AOPEP: variants seen among roughly 807,000 people sequenced by gnomAD.
AOPEP encodes aminopeptidase O (putative).
A neutral mutation model predicts 98.1 loss-of-function variants in AOPEP; 77 were observed. The ratio of observed to expected loss-of-function variants is 0.78; its 90% CI spans 0.65 to 0.95. The LOEUF is 0.95. Among genes scored for constraint, AOPEP ranks in the 40% least tolerant of loss-of-function variants. The pLI, the probability that AOPEP is intolerant of heterozygous loss-of-function variation, is 0.00. For missense variants in AOPEP, 1,024 were observed against 1,024.7 expected, an observed-to-expected ratio of 1.00 and a Z score of 0.01; for synonymous variants, 346 against 365.3, an observed-to-expected ratio of 0.95 and a Z score of 0.60.
At chr9:94,844,788 G>A (rs1364880711) in intron 5 of AOPEP, among the ~76,000 whole-genome samples, 1 of 152,216 alleles carries the variant, frequency 6.6e-6, no homozygotes, top group Non-Finnish European at 1.5e-5. Flanking sequence ...CAGATGGTCT[G>A]TTCCTAGGGT....
intron 7 of AOPEP, among the ~76,000 whole-genome samples, chr9:94,943,571 G>A (rs961348617): frequency 1.3e-5 from 2 of 150,250 alleles, no homozygotes; most frequent in African/African-American, 4.9e-5. Context: ...TCCAGCCTAG[G>A]CGACAGAGTG....
chr9:94,963,740 T>A (rs2138224876), intron 9 of AOPEP, among the ~76,000 whole-genome samples: 1 of 152,310 alleles, frequency 6.6e-6, no homozygotes, highest in Middle Eastern at 3.4e-3. Flanking sequence ...AAAGTCTTCC[T>A]TGTCCAAATA....
chr9:95,080,697 C>G lies in AOPEP; in HGVS notation c.2236C>G (p.Arg746Gly). The G allele has an allele frequency of 1.9e-6, 3 of 1,612,966 alleles. No individual in the cohort carries two copies. The highest frequency in any genetic ancestry group is 2.5e-6 in the Non-Finnish European group (3 of 1,179,620). The part of the protein sequence containing the change: ...YHLQDQDAEV[R>G]HRWCELIVKH... ...GGGCTCTCTCTTGTTCCTCCAGGTT[C>G]GCCATCGGTGGTGTGAACTCATTGT... The change falls in exon 15 of 17, where the codon CGC becomes GGC. Residue 746 changes from arginine to glycine, a missense_variant. Physicochemically the swap from Arg to Gly is moderately radical, Grantham distance 125 (BLOSUM62 -2). Coordinates refer to ENST00000375315, the MANE Select transcript of AOPEP (RefSeq NM_001193329.3).
At chr9:95,029,165 T>C (rs2064089881) in intron 13 of AOPEP, among the ~76,000 whole-genome samples, 1 of 152,154 alleles carries the variant, frequency 6.6e-6, no homozygotes, top group Admixed American at 6.5e-5. Flanking sequence ...TGAAATCTCC[T>C]GTCACCGTGC....
At chr9:94,886,901 G>A (rs1190037918) in intron 5 of AOPEP, among the ~76,000 whole-genome samples, 2 of 152,098 alleles carry the variant, frequency 1.3e-5, no homozygotes, top group African/African-American at 2.4e-5. Context: ...ATATGGGTTT[G>A]TATATATAAA....
At chr9:94,933,703 A>G in intron 7 of AOPEP, 3 of 979,900 alleles carry the variant, frequency 3.1e-6, no homozygotes, top group Non-Finnish European at 3.6e-6. Context: ...TGCCTACTGT[A>G]CATTCCACTT....
chr9:94,918,747 C>T (rs1017046395), intron 5 of AOPEP, among the ~76,000 whole-genome samples: 6 of 152,180 alleles, frequency 3.9e-5, no homozygotes, highest in African/African-American at 1.2e-4. Flanking sequence ...GTGCCTGGCA[C>T]GTAGCAAACA....
chr9:95,131,902 A>G, the AOPEP span, among the ~76,000 whole-genome samples: 5 of 152,264 alleles, frequency 3.3e-5, no homozygotes, highest in African/African-American at 1.2e-4. Context: ...AGAATGAGGG[A>G]AAAAAACACA....
At chr9:95,112,590 G>A in the AOPEP span, among the ~76,000 whole-genome samples, 3 of 152,244 alleles carry the variant, frequency 2.0e-5, no homozygotes, top group African/African-American at 7.2e-5. Flanking sequence ...GGGTTAGGCT[G>A]TACCAGAGTG....
chr9:94,783,722 A>G (rs1342492255), intron 3 of AOPEP, among the ~76,000 whole-genome samples: 1 of 152,122 alleles, frequency 6.6e-6, no homozygotes, highest in African/African-American at 2.4e-5. Flanking sequence ...TGATATATAC[A>G]TTCTCTATAG....
chr9:94,799,362 C>G (rs1025598723), intron 4 of AOPEP, among the ~76,000 whole-genome samples: 1 of 150,772 alleles, frequency 6.6e-6, no homozygotes, highest in African/African-American at 2.4e-5. Flanking sequence ...TGAGACCACT[C>G]TGGGTTACAA....
downstream of AOPEP, among the ~76,000 whole-genome samples, chr9:95,090,366 G>A (rs549463278): frequency 1.3e-5 from 2 of 152,346 alleles, no homozygotes; most frequent in African/African-American, 2.4e-5. Context: ...CGCAGGAGCC[G>A]GGCAGCCCAG....
rs760209427 is a variant in AOPEP, at chr9:95,077,533, G to A, written c.2233-3161G>A. On this transcript the variant is annotated intron_variant, in intron 14 of 16. Transcript: ENST00000375315. ...GACTGAGGAAATTACAGAAAGACAC[G>A]TTGACCACCCTCGTTAATAAATTAA... Among the ~76,000 whole-genome samples the A allele has an allele frequency of 3.9e-5, 6 of 152,286 alleles. No individual in the cohort carries two copies. In the South Asian group the frequency reaches 6.2e-4, roughly 16 times the overall value.
chr9:95,051,258 T>G (rs1393224195), intron 13 of AOPEP, among the ~76,000 whole-genome samples: 1 of 151,920 alleles, frequency 6.6e-6, no homozygotes, highest in African/African-American at 2.4e-5. Flanking sequence ...CCCAGCTAAT[T>G]TTTGTATTTT....
chr9:94,775,067 G>A (rs1193042294), intron 3 of AOPEP, among the ~76,000 whole-genome samples: 1 of 151,968 alleles, frequency 6.6e-6, no homozygotes, highest in African/African-American at 2.4e-5. Context: ...TTTATGAAAA[G>A]CATTGCTCCC....
In AOPEP at chr9:94,980,377, G is replaced by A. The variant is rs1368589720; in HGVS notation, c.1977+950G>A. On this transcript the variant is annotated intron_variant, in intron 11 of 16. Coordinates refer to ENST00000375315, the MANE Select transcript of AOPEP (RefSeq NM_001193329.3). This position sits in a 1 kb window ranked among gnomAD's most constrained non-coding sequence, Gnocchi z 4.3. The stretch of plus-strand genomic sequence containing the variant: ...GCATCTGGGGGCGGTCCCGTGTGGT[G>A]AGGCAGGCCCTGTAGCCTGCTGGTT... 6.6e-6 allele frequency among the ~76,000 whole-genome samples: 1 copy of A among 152,254 alleles called. No individual in the cohort carries two copies. Among genetic ancestry groups the A allele is most frequent in the Non-Finnish European group, 1.5e-5 (1 of 68,044 alleles).
intron 14 of AOPEP, among the ~76,000 whole-genome samples, chr9:95,063,306 G>A (rs555475396): frequency 2.9e-4 from 44 of 152,340 alleles, no homozygotes; most frequent in Middle Eastern, 6.8e-3. Context: ...GGTCTCTTAA[G>A]CTGTAAAAAT....
At chr9:94,909,950 C>T (rs903017754) in intron 5 of AOPEP, among the ~76,000 whole-genome samples, 1 of 152,124 alleles carries the variant, frequency 6.6e-6, no homozygotes, top group African/African-American at 2.4e-5. Context: ...CCTTCTGGAT[C>T]GAGTGTCTGG....
intron 1 of AOPEP, among the ~76,000 whole-genome samples, chr9:94,743,437 G>T (rs545230923): frequency 4.6e-5 from 7 of 152,322 alleles, no homozygotes; most frequent in African/African-American, 1.7e-4. Context: ...GAAGTGGTGT[G>T]ATCAGATGCC....
Sources: gnomAD v4.1 joint callset for allele counts (sites outside exome capture counted in the v4.1 genomes callset) on GRCh38, gnomAD v4.1.1 for gene constraint, Gnocchi (gnomAD v3.1) non-coding constraint, MANE v1.5 for transcripts, NCBI Gene and HGNC (gene_info 2026-07-23, HGNC 2026-07-21) for gene names.